NDE1: variants seen among roughly 807,000 people sequenced by gnomAD.
The protein encoded by NDE1 is nudE neurodevelopment protein 1.
A neutral mutation model predicts 43.4 loss-of-function variants in NDE1; 28 were observed. The observed-to-expected ratio is 0.65, with a 90% confidence interval of 0.48 to 0.89. The LOEUF is 0.89. Among genes scored for constraint, NDE1 ranks in the 40% least tolerant of loss-of-function variants. The probability of loss-of-function intolerance (pLI) is 0.00; values close to 1 mark genes in which losing one functional copy is unlikely to be tolerated. For synonymous variants in NDE1, 184 were observed against 172.0 expected (o/e 1.07, Z -0.55); for missense variants, 441 against 434.1 (o/e 1.02, Z -0.14).
chr16:15,668,461 C>T (rs995539718), intron 3 of NDE1, among the ~76,000 whole-genome samples: 10 of 152,036 alleles, frequency 6.6e-5, no homozygotes, highest in Admixed American at 2.0e-4. Flanking sequence ...GACAGGGTTT[C>T]GCTGTGTTGC....
At chr16:15,651,429 C>T (rs970613114) in intron 1 of NDE1, 7 of 144,470 alleles carry the variant, frequency 4.8e-5, no homozygotes, top group South Asian at 2.3e-4. Flanking sequence ...GTATACAACC[C>T]GTTTTTTTTT....
chr16:15,717,045 A>G lies in NDE1; in HGVS notation c.948-7146A>G, dbSNP rs145254467. On this transcript the variant is annotated intron_variant, in intron 8 of 8. Transcript: ENST00000396354. The stretch of plus-strand genomic sequence containing the variant: ...TCACAGAGCTTGCTTCTTACAAGCC[A>G]GAACTGATGCTGGAAGAGGTTCCCT... 3.0e-6 allele frequency: 4 copies of G among 1,344,616 alleles called. No homozygotes were observed. In the African/African-American group the frequency reaches 4.3e-5, roughly 14 times the overall value. The allele number at this position is 1,344,616 out of a possible 1,614,324, so 83.3% of individuals were successfully genotyped here.
chr16:15,655,629 G>A (rs1296210465), intron 1 of NDE1, among the ~76,000 whole-genome samples: 1 of 152,046 alleles, frequency 6.6e-6, no homozygotes, highest in East Asian at 1.9e-4. Context: ...GCATTACTGG[G>A]TATATACCCA....
In NDE1 at chr16:15,690,353, CTTTTTTTTTTTTTTT is replaced by C. The variant is rs869069843; in HGVS notation, c.524-777_524-763del. 6.2e-5 allele frequency among the ~76,000 whole-genome samples: 5 copies of C among 80,986 alleles called. No individual in the cohort carries two copies. In the East Asian group the frequency reaches 1.2e-3, roughly 20 times the overall value. The allele number at this position is 80,986 out of a possible 152,430, so 53.1% of individuals were successfully genotyped here. A position where few individuals can be genotyped will look rare whatever the true frequency, so the allele number is the denominator to read the frequency against. On this transcript the variant is annotated intron_variant, in intron 5 of 8. Coordinates refer to ENST00000396354, the MANE Select transcript of NDE1 (RefSeq NM_017668.3). ...GCAACTGGCCTTTTTTTTTTTTTTT[CTTTTTTTTTTTTTTT>C]TTTTTTTTTTTTTGAGCCAGAGGTC...
rs1453794285 is a variant in NDE1, at chr16:15,704,045, C to T, written c.947+7185C>T. 2.5e-6 allele frequency: 4 copies of T among 1,614,002 alleles called. No individual in the cohort carries two copies. Among genetic ancestry groups the T allele is most frequent in the African/African-American group, 1.3e-5 (1 of 74,884 alleles). ...CTGCGTCTCGAGTGTCCGTTTCCTC[C>T]TCAGAACCATCTGCATTTTCAATAA... On this transcript the variant is annotated intron_variant, in intron 8 of 8. Coordinates refer to ENST00000396354, the MANE Select transcript of NDE1 (RefSeq NM_017668.3).
chr16:15,685,721 C>A (rs1202501677), intron 4 of NDE1, among the ~76,000 whole-genome samples: 1 of 152,068 alleles, frequency 6.6e-6, no homozygotes, highest in Non-Finnish European at 1.5e-5. Flanking sequence ...ATTGAAGGAA[C>A]TGAGGATGAA....
intron 1 of NDE1, among the ~76,000 whole-genome samples, chr16:15,661,423 C>T (rs1235760402): frequency 1.3e-5 from 2 of 151,986 alleles, no homozygotes; most frequent in African/African-American, 4.8e-5. Flanking sequence ...GCTGGGATTA[C>T]AGGTGTGAGC....
At chr16:15,714,820 G>T in intron 8 of NDE1, 2 of 1,497,884 alleles carry the variant, frequency 1.3e-6, no homozygotes, top group Non-Finnish European at 1.8e-6. Context: ...GTGGGCACAA[G>T]GGGCATTTGC....
intron 8 of NDE1, among the ~76,000 whole-genome samples, chr16:15,720,575 C>A (rs990662145): frequency 6.6e-6 from 1 of 150,476 alleles, no homozygotes. Flanking sequence ...ATGGTGAAAC[C>A]TTGTCTCCAC....
At chr16:15,674,187 C>T (rs1221816517) in intron 3 of NDE1, among the ~76,000 whole-genome samples, 1 of 152,130 alleles carries the variant, frequency 6.6e-6, no homozygotes, top group Non-Finnish European at 1.5e-5. Flanking sequence ...CTCTGTCTCT[C>T]TCCTCTCCTT....
At chr16:15,709,332 GT>G (rs1285266233) in intron 8 of NDE1, among the ~76,000 whole-genome samples, 2 of 150,782 alleles carry the variant, frequency 1.3e-5, no homozygotes, top group Non-Finnish European at 3.0e-5. Flanking sequence ...AGGATAAGCA[GT>G]TTTTTGATAC....
In NDE1 at chr16:15,723,263, A is replaced by G. The variant is rs150183925; in HGVS notation, c.948-928A>G. Among the ~76,000 whole-genome samples, 574 of 152,240 alleles carry G rather than the reference A, an allele frequency of 3.8e-3. 5 individuals carry two copies. The highest frequency in any genetic ancestry group is 0.013 in the African/African-American group (558 of 41,538). Reference sequence around the variant, plus strand: ...AAACTCTAATTAATATGCAATGTTGAGGTGTGGAAGGGGAAATGTACTGAC... The same window carrying G: ...AAACTCTAATTAATATGCAATGTTGGGGTGTGGAAGGGGAAATGTACTGAC... On this transcript the variant is annotated intron_variant, in intron 8 of 8. Coordinates refer to ENST00000396354, the MANE Select transcript of NDE1 (RefSeq NM_017668.3).
At chr16:15,720,815 G>A in intron 8 of NDE1, 1 of 1,611,700 alleles carries the variant, frequency 6.2e-7, no homozygotes, top group Non-Finnish European at 8.5e-7. Flanking sequence ...ACCTCCCTCT[G>A]CTGGCCTCCC....
At chr16:15,721,496 G>A in intron 8 of NDE1, 1 of 1,614,218 alleles carries the variant, frequency 6.2e-7, no homozygotes, top group Non-Finnish European at 8.5e-7. Context: ...GTCCGCTCGA[G>A]TTCCTCTTTG....
intron 1 of NDE1, among the ~76,000 whole-genome samples, chr16:15,645,145 C>T (rs1288984756): frequency 2.0e-5 from 3 of 152,108 alleles, no homozygotes; most frequent in Non-Finnish European, 4.4e-5. Context: ...GTCTCGAACT[C>T]CTAGCCTCAA....
intron 5 of NDE1, 119 bp downstream of exon 5, chr16:15,687,630 AG>A (rs2038506636): frequency 1.0e-6 from 1 of 1,004,134 alleles, no homozygotes. Flanking sequence ...CTCTGCACCC[AG>A]GTTGTCTAAT....
At chr16:15,718,451 C>A in intron 8 of NDE1, 1 of 1,549,502 alleles carries the variant, frequency 6.5e-7, no homozygotes, top group South Asian at 1.2e-5. Flanking sequence ...GGGGGAAGGG[C>A]GGCCATGGTG....
chr16:15,719,114 T>A (rs2040327191), intron 8 of NDE1: 1 of 1,138,546 alleles, frequency 8.8e-7, no homozygotes, highest in Non-Finnish European at 1.3e-6. Context: ...GGTGACAGAA[T>A]GAAACTCTGT....
chr16:15,726,011 T>C lies in NDE1; in HGVS notation c.*1760T>C. 1 of 274,182 alleles carries C rather than the reference T, an allele frequency of 3.6e-6. No homozygotes were observed. The highest frequency in any genetic ancestry group is 1.7e-4 in the South Asian group (1 of 5,870). The allele number at this position is 274,182 out of a possible 1,614,324, so 17.0% of individuals were successfully genotyped here. On this transcript the variant is annotated 3_prime_UTR_variant, in exon 9 of 9. Coordinates refer to ENST00000396354, the MANE Select transcript of NDE1 (RefSeq NM_017668.3). The stretch of plus-strand genomic sequence containing the variant: ...TCCAGCTCTACTGGCTGTATGTCTC[T>C]CTCCTAATTTTTCTACTTACCACAG...
Sources: allele counts gnomAD v4.1 joint callset (sites outside exome capture counted in the v4.1 genomes callset), GRCh38; gene constraint gnomAD v4.1.1; transcripts MANE v1.5; gene names NCBI Gene and HGNC (gene_info 2026-07-23, HGNC 2026-07-21).